RASA1: variants seen among roughly 807,000 people sequenced by gnomAD.
RASA1 encodes the protein ras GTPase-activating protein 1.
A neutral mutation model predicts 132.2 loss-of-function variants in RASA1; 25 were observed. The observed-to-expected ratio is 0.19, with a 90% CI of 0.14 to 0.26. The LOEUF is 0.26. Among genes scored for constraint, RASA1 ranks in the 10% least tolerant of loss-of-function variants. The probability of loss-of-function intolerance (pLI) is 1.00; values close to 1 mark genes in which losing one functional copy is unlikely to be tolerated. For missense variants in RASA1, 964 were observed against 1,299.2 expected, an observed-to-expected ratio of 0.74 and a Z score of 3.97; for synonymous variants, 477 against 449.9, an observed-to-expected ratio of 1.06 and a Z score of -0.76.
intron 1 of RASA1, among the ~76,000 whole-genome samples, chr5:87,272,140 C>T (rs1438972797): frequency 6.7e-6 from 1 of 150,096 alleles, no homozygotes; most frequent in African/African-American, 2.5e-5. Context: ...AAGAACGAAA[C>T]CCTGTCTAAA....
chr5:87,274,474 T>A (rs532861466), intron 1 of RASA1, among the ~76,000 whole-genome samples: 9 of 152,186 alleles, frequency 5.9e-5, no homozygotes, highest in Non-Finnish European at 1.3e-4. Flanking sequence ...TTGCTAAGAT[T>A]AGTTACGGAC....
At chr5:87,378,340 T>C in intron 17 of RASA1, 56 bp from the exon 18 acceptor site, 1 of 1,573,736 alleles carries the variant, frequency 6.4e-7, no homozygotes. Context: ...ATTTCCAATT[T>C]GGTCACATTA....
Position 87,310,851 on chromosome 5 carries a change from G to A in RASA1, c.540-20497G>A, listed in dbSNP as rs147986683. The stretch of plus-strand genomic sequence containing the variant: ...AAATTAATGTAGTAATTGCATTAAT[G>A]TACCAAATGATTCATTATCAAGTAA... On this transcript the variant is annotated intron_variant, in intron 1 of 24. Transcript: ENST00000274376. 2.4e-3 allele frequency among the ~76,000 whole-genome samples: 360 copies of A among 152,210 alleles called. 1 individual carries two copies. Among genetic ancestry groups the A allele is most frequent in the African/African-American group, 8.2e-3 (339 of 41,538 alleles).
chr5:87,372,908 G>A (rs1171956987), intron 13 of RASA1, among the ~76,000 whole-genome samples: 1 of 152,110 alleles, frequency 6.6e-6, no homozygotes, highest in Non-Finnish European at 1.5e-5. Flanking sequence ...ACTGGGAGTG[G>A]ATAATGGTTG....
chr5:87,362,568 C>G lies in RASA1; in HGVS notation c.1350C>G (p.Leu450=), dbSNP rs780071686. 1.2e-5 allele frequency: 19 copies of G among 1,592,782 alleles called. No homozygotes were observed. Among genetic ancestry groups the G allele is most frequent in the African/African-American group, 2.7e-5 (2 of 74,330 alleles). ...PVPMQDQEQV[L]NDTVDGKEIY... ...AAATTCAGGATCAAGAACAAGTACTCAATGACACAGTGGATGGCAAGGAAA... is the reference window on the plus strand; with the variant it reads ...AAATTCAGGATCAAGAACAAGTACTGAATGACACAGTGGATGGCAAGGAAA... Residue 450 remains leucine, a synonymous_variant, in exon 10 of 25, where the codon CTC becomes CTG. Coordinates refer to ENST00000274376, the MANE Select transcript of RASA1 (RefSeq NM_002890.3).
intron 9 of RASA1, among the ~76,000 whole-genome samples, chr5:87,359,209 C>G (rs1438336148): frequency 1.3e-5 from 2 of 152,274 alleles, no homozygotes; most frequent in East Asian, 3.9e-4. Context: ...AAGCTAGGAT[C>G]TGCAAGTTAA....
intron 1 of RASA1, among the ~76,000 whole-genome samples, chr5:87,327,594 C>A (rs1757320878): frequency 6.6e-6 from 1 of 152,138 alleles, no homozygotes; most frequent in East Asian, 1.9e-4. Flanking sequence ...CTCTTTTGAA[C>A]AAGCTCAGGG....
intron 1 of RASA1, among the ~76,000 whole-genome samples, chr5:87,273,812 C>T (rs544722150): frequency 6.6e-6 from 1 of 151,720 alleles, no homozygotes; most frequent in Non-Finnish European, 1.5e-5. Context: ...ATTCTCCTGC[C>T]TCTGCCTCCC....
chr5:87,283,999 A>T (rs1208927348), intron 1 of RASA1, among the ~76,000 whole-genome samples: 1 of 152,150 alleles, frequency 6.6e-6, no homozygotes, highest in East Asian at 1.9e-4. Context: ...TTATTTAGAG[A>T]TATTTGTATC....
chr5:87,371,605 T>A (rs1273174295), intron 12 of RASA1, among the ~76,000 whole-genome samples: 1 of 152,090 alleles, frequency 6.6e-6, no homozygotes, highest in Non-Finnish European at 1.5e-5. Flanking sequence ...ATAACCCAAA[T>A]CCCCTTATAC....
chr5:87,356,735 A>G (rs539999438), intron 9 of RASA1, among the ~76,000 whole-genome samples: 49 of 152,298 alleles, frequency 3.2e-4, no homozygotes, highest in African/African-American at 9.6e-4. Context: ...ACATAATGCT[A>G]TTACACACTT....
intron 1 of RASA1, among the ~76,000 whole-genome samples, chr5:87,328,864 G>A (rs1757415020): frequency 6.6e-6 from 1 of 152,094 alleles, no homozygotes; most frequent in Non-Finnish European, 1.5e-5. Context: ...AATCTGTAAG[G>A]TGTCTGAATC....
chr5:87,375,529 G>T (rs571352794), intron 15 of RASA1, among the ~76,000 whole-genome samples: 2 of 152,098 alleles, frequency 1.3e-5, no homozygotes, highest in African/African-American at 4.8e-5. Context: ...CCAAAATGCT[G>T]GGATTACATT....
In RASA1 at chr5:87,324,324, A is replaced by T. The variant is rs1757050336; in HGVS notation, c.540-7024A>T. 2.0e-5 allele frequency among the ~76,000 whole-genome samples: 3 copies of T among 152,170 alleles called. No homozygotes were observed. The South Asian group carries it at 6.2e-4, about 31-fold the overall frequency. On this transcript the variant is annotated intron_variant, in intron 1 of 24. Coordinates refer to ENST00000274376, the MANE Select transcript of RASA1 (RefSeq NM_002890.3). ...CTCTCTTTCAACATTTGATCAGTGC[A>T]TAACATTTCTTGGAGAGGTGTGGTT...
intron 1 of RASA1, among the ~76,000 whole-genome samples, chr5:87,285,033 C>CATTTATTTATTTATTT (rs34217012): frequency 2.9e-4 from 40 of 137,060 alleles, no homozygotes; most frequent in Middle Eastern, 7.3e-3. Context: ...ATAATGGTAC[C>CATTTATTTATTTATTT]ATTTATTTAT....
chr5:87,387,790 T>G (rs1486886895), intron 23 of RASA1, among the ~76,000 whole-genome samples: 1 of 152,170 alleles, frequency 6.6e-6, no homozygotes, highest in Non-Finnish European at 1.5e-5. Flanking sequence ...ATATTTATAG[T>G]GAAATTTATA....
chr5:87,347,060 A>G (rs1228711601), intron 7 of RASA1, among the ~76,000 whole-genome samples: 1 of 152,000 alleles, frequency 6.6e-6, no homozygotes, highest in African/African-American at 2.4e-5. Context: ...GGAACATGCA[A>G]CACACTTTTT....
chr5:87,284,254 G>A (rs916097859), intron 1 of RASA1, among the ~76,000 whole-genome samples: 6 of 152,102 alleles, frequency 3.9e-5, no homozygotes, highest in African/African-American at 4.8e-5. Flanking sequence ...ACCATTGTTA[G>A]CTTTCTTATT....
At chr5:87,373,995 T>A (rs1299182228) in intron 13 of RASA1, among the ~76,000 whole-genome samples, 168 bp from the exon 14 acceptor site, 1 of 151,838 alleles carries the variant, frequency 6.6e-6, no homozygotes, top group African/African-American at 2.4e-5. Flanking sequence ...GTCTGAATGT[T>A]TTAAGTATGT....
Sources: allele counts gnomAD v4.1 joint callset (sites outside exome capture counted in the v4.1 genomes callset), GRCh38; gene constraint gnomAD v4.1.1; transcripts MANE v1.5; gene names NCBI Gene and HGNC (gene_info 2026-07-23, HGNC 2026-07-21).